Variants in BAZ2B observed in about 807,000 individuals in gnomAD.
BAZ2B encodes bromodomain adjacent to zinc finger domain 2B.
BAZ2B carries 91 observed loss-of-function variants against 246.0 expected under a neutral mutation model. That is an observed-to-expected ratio of 0.37 (90% CI 0.31 to 0.44). The LOEUF (loss-of-function observed/expected upper bound fraction) is 0.44, where lower values mean the gene tolerates loss of function less well. Among genes scored for constraint, BAZ2B ranks in the 20% least tolerant of loss-of-function variants. BAZ2B has a pLI of 1.00. For missense variants in BAZ2B, 2,332 were observed against 2,533.7 expected, an observed-to-expected ratio of 0.92 and a Z score of 1.71; for synonymous variants, 855 against 860.0, an observed-to-expected ratio of 0.99 and a Z score of 0.10.
chr2:159,479,131 C>T (rs1483671447), intron 2 of BAZ2B, among the ~76,000 whole-genome samples: 4 of 152,066 alleles, frequency 2.6e-5, no homozygotes, highest in African/African-American at 9.7e-5. Flanking sequence ...TGGTCTGCCC[C>T]CTTATCTTCT....
chr2:159,482,569 TA>T (rs1285970223), intron 2 of BAZ2B, among the ~76,000 whole-genome samples: 3 of 152,148 alleles, frequency 2.0e-5, no homozygotes, highest in African/African-American at 7.2e-5. Context: ...ATTTAAGAGT[TA>T]TACTATTTAT....
intron 14 of BAZ2B, among the ~76,000 whole-genome samples, chr2:159,410,613 A>G (rs1330289659): frequency 6.6e-6 from 1 of 152,180 alleles, no homozygotes; most frequent in East Asian, 1.9e-4. Flanking sequence ...TTCTTCCTTT[A>G]TAAATTACCC....
chr2:159,648,584 C>CT, the BAZ2B span, among the ~76,000 whole-genome samples: 148 of 152,252 alleles, frequency 9.7e-4, no homozygotes, highest in Non-Finnish European at 8.4e-4. Flanking sequence ...ACTATGTATT[C>CT]TTTTTTGTCT....
intron 1 of BAZ2B, among the ~76,000 whole-genome samples, chr2:159,598,111 A>C (rs1344024437): frequency 2.6e-5 from 4 of 151,698 alleles, no homozygotes; most frequent in African/African-American, 9.7e-5. Context: ...CTCCTGCCTC[A>C]GCCTCCCGAG....
the BAZ2B span, among the ~76,000 whole-genome samples, chr2:159,651,185 G>A: frequency 6.6e-6 from 1 of 152,012 alleles, no homozygotes. Flanking sequence ...CTCTTACATT[G>A]TGAATATAGA....
Position 159,350,036 on chromosome 2 carries a change from T to A in BAZ2B, c.4535A>T (p.Gln1512Leu). The change falls in exon 28 of 37, where the codon CAG becomes CTG. Residue 1512 changes from glutamine to leucine, a missense_variant. This residue lies in a region of BAZ2B where 676 missense variants were observed against 668.6 expected (regional missense o/e 1.01). Transcript: ENST00000392783. ...CACATTGCTTTGCGTTGCTGTTGAC[T>A]GAACGCTGCCCAGTGAATGTTTTCC... ...NSGKHSLGSV[Q>L]STATQSNVEK... 1 of 1,614,202 alleles carries A rather than the reference T, an allele frequency of 6.2e-7. No individual in the cohort carries two copies. The highest frequency in any genetic ancestry group is 8.5e-7 in the Non-Finnish European group (1 of 1,180,012).
At chr2:159,630,694 C>T in the BAZ2B span, among the ~76,000 whole-genome samples, 5 of 152,056 alleles carry the variant, frequency 3.3e-5, no homozygotes, top group African/African-American at 9.7e-5. Context: ...CTACCACGCC[C>T]GGCTAATTTT....
chr2:159,500,798 A>T (rs2081618769), intron 2 of BAZ2B, among the ~76,000 whole-genome samples: 1 of 151,892 alleles, frequency 6.6e-6, no homozygotes, highest in South Asian at 2.1e-4. Context: ...TACTAAAAGT[A>T]CAAAAATTAG....
At chr2:159,431,829 T>TA (rs1312674501) in intron 9 of BAZ2B, among the ~76,000 whole-genome samples, 10 of 145,814 alleles carry the variant, frequency 6.9e-5, no homozygotes. Context: ...GAGTGATACT[T>TA]AGACTGTTTC....
At chr2:159,612,271 T>C (rs568421001) in intron 1 of BAZ2B, among the ~76,000 whole-genome samples, 3 of 152,164 alleles carry the variant, frequency 2.0e-5, no homozygotes, top group Middle Eastern at 3.4e-3. Flanking sequence ...AACAGCCAAA[T>C]GGATTAACAT....
the BAZ2B span, among the ~76,000 whole-genome samples, chr2:159,696,948 G>A: frequency 0.066 from 10,053 of 152,054 alleles, 432 homozygotes; most frequent in Middle Eastern, 0.19. Flanking sequence ...CACCACACTC[G>A]GCTAATTGTT....
intron 16 of BAZ2B, among the ~76,000 whole-genome samples, chr2:159,403,119 G>A (rs920099711): frequency 2.6e-5 from 4 of 152,022 alleles, no homozygotes; most frequent in African/African-American, 9.7e-5. Flanking sequence ...GGTCTACTAG[G>A]TGGAAAAAAT....
chr2:159,438,755 A>G, intron 7 of BAZ2B, 60 bp from the exon 8 acceptor site: 1 of 1,499,606 alleles, frequency 6.7e-7, no homozygotes, highest in Non-Finnish European at 8.9e-7. Flanking sequence ...ACTATCAAGC[A>G]GTAAAACCTG....
chr2:159,462,545 T>C (rs2076536525), intron 3 of BAZ2B: 1 of 893,416 alleles, frequency 1.1e-6, no homozygotes, highest in Non-Finnish European at 1.9e-6. Context: ...CTGATATTCA[T>C]TTTCTGCATT....
intron 32 of BAZ2B, 117 bp from the exon 33 acceptor site, chr2:159,337,194 T>C (rs985539236): frequency 4.6e-5 from 61 of 1,335,652 alleles, no homozygotes; most frequent in Non-Finnish European, 6.0e-5. Context: ...AGCCAATAAG[T>C]ATAAGGTTTA....
chr2:159,682,968 C>T, the BAZ2B span, among the ~76,000 whole-genome samples: 2 of 148,350 alleles, frequency 1.3e-5, no homozygotes, highest in Non-Finnish European at 3.0e-5. Context: ...CTTACATCAC[C>T]TTTTTTTTTT....
chr2:159,682,096 T>C, the BAZ2B span, among the ~76,000 whole-genome samples: 1 of 151,286 alleles, frequency 6.6e-6, no homozygotes, highest in Non-Finnish European at 1.5e-5. Context: ...AGTCAACCCA[T>C]CAATGGCAAT....
the BAZ2B span, among the ~76,000 whole-genome samples, chr2:159,671,865 T>C: frequency 2.0e-5 from 3 of 152,188 alleles, no homozygotes; most frequent in African/African-American, 7.2e-5. Flanking sequence ...TAATCCTAAC[T>C]GTATGTAATA....
At chr2:159,337,466 C>T in intron 32 of BAZ2B, 101 bp downstream of exon 32, 2 of 1,605,696 alleles carry the variant, frequency 1.2e-6, no homozygotes, top group Non-Finnish European at 1.7e-6. Flanking sequence ...ACCTACCCGT[C>T]ACCATCACCA....
Sources: allele counts gnomAD v4.1 joint callset (sites outside exome capture counted in the v4.1 genomes callset), GRCh38; gene constraint gnomAD v4.1.1; regional missense constraint gnomAD v4.1.1; transcripts MANE v1.5; gene names NCBI Gene and HGNC (gene_info 2026-07-23, HGNC 2026-07-21).